GRHL2: variants seen among roughly 807,000 people sequenced by gnomAD.
GRHL2 encodes the protein grainyhead-like protein 2 homolog.
GRHL2 carries 21 observed loss-of-function variants against 83.8 expected under a neutral mutation model. The ratio of observed to expected loss-of-function variants is 0.25; its 90% CI spans 0.18 to 0.36. The LOEUF is 0.36. GRHL2 is among the 10% of genes least tolerant of loss of function. GRHL2 has a pLI of 1.00. For missense variants in GRHL2, 623 were observed against 781.8 expected, an observed-to-expected ratio of 0.80 and a Z score of 2.42; for synonymous variants, 280 against 278.9, an observed-to-expected ratio of 1.00 and a Z score of -0.04.
At chr8:101,600,895 T>G (rs1213182632) in intron 8 of GRHL2, among the ~76,000 whole-genome samples, 6 of 152,160 alleles carry the variant, frequency 3.9e-5, no homozygotes, top group Non-Finnish European at 4.4e-5. Flanking sequence ...TGGTGGCCGA[T>G]GCCTGTAACC....
At chr8:101,656,494 G>C (rs1813788372) in intron 14 of GRHL2, among the ~76,000 whole-genome samples, 1 of 152,186 alleles carries the variant, frequency 6.6e-6, no homozygotes, top group African/African-American at 2.4e-5. Context: ...CCCAATTAGG[G>C]AGACATTTAC....
In GRHL2 at chr8:101,515,091, TATA is replaced by T. The variant is rs1810544214; in HGVS notation, c.20+22303_20+22305del. Among the ~76,000 whole-genome samples the T allele has an allele frequency of 2.0e-5, 3 of 149,850 alleles. No homozygotes were observed. The Admixed American group carries it at 2.0e-4, about 10-fold the overall frequency. On this transcript the variant is annotated intron_variant, in intron 1 of 15. Coordinates refer to ENST00000646743, the MANE Select transcript of GRHL2 (RefSeq NM_024915.4). ...GTTCCTACCTCCCTCCCTCCCTCCT[TATA>T]GGGATCACTGCAATGAGGTCTTGAA...
At chr8:101,641,770 G>A (rs768949439) in intron 12 of GRHL2, among the ~76,000 whole-genome samples, 2 of 152,106 alleles carry the variant, frequency 1.3e-5, no homozygotes, top group African/African-American at 2.4e-5. Flanking sequence ...TTATCCCTCA[G>A]TATCTGTGGA....
At chr8:101,610,003 G>T (rs1351110941) in intron 8 of GRHL2, among the ~76,000 whole-genome samples, 1 of 150,750 alleles carries the variant, frequency 6.6e-6, no homozygotes, top group Non-Finnish European at 1.5e-5. Context: ...TTCTTCTTCT[G>T]CCTGGGAGCT....
intron 1 of GRHL2, among the ~76,000 whole-genome samples, chr8:101,497,371 A>G (rs1488413800): frequency 1.3e-5 from 2 of 152,214 alleles, no homozygotes; most frequent in Admixed American, 6.5e-5. Context: ...CAGTTTCTAT[A>G]AACTATATCC....
At chr8:101,506,718 T>G (rs1456389219) in intron 1 of GRHL2, among the ~76,000 whole-genome samples, 1 of 152,196 alleles carries the variant, frequency 6.6e-6, no homozygotes, top group Non-Finnish European at 1.5e-5. Context: ...GATACATAAT[T>G]TGAAAATGAC....
At chr8:101,526,750 T>A (rs1209286471) in intron 1 of GRHL2, among the ~76,000 whole-genome samples, 4 of 152,184 alleles carry the variant, frequency 2.6e-5, no homozygotes, top group Non-Finnish European at 5.9e-5. Flanking sequence ...CTCAAAGCAC[T>A]GCACGAGTGC....
At chr8:101,674,350 A>G (rs1814258518), downstream of GRHL2, among the ~76,000 whole-genome samples, 1 of 151,048 alleles carries the variant, frequency 6.6e-6, no homozygotes, top group Non-Finnish European at 1.5e-5. Context: ...AATCAAAAAG[A>G]TGTAATAAAA....
downstream of GRHL2, among the ~76,000 whole-genome samples, chr8:101,671,724 C>T (rs28769880): frequency 0.28 from 41,869 of 152,068 alleles, 6,124 homozygotes; most frequent in African/African-American, 0.36. Context: ...GATCTGAGAA[C>T]GGGCAGACTG....
intron 1 of GRHL2, among the ~76,000 whole-genome samples, chr8:101,531,573 CCACA>C (rs963071566): frequency 6.6e-6 from 1 of 151,526 alleles, no homozygotes; most frequent in Non-Finnish European, 1.5e-5. Flanking sequence ...CACACACACA[CCACA>C]CACACACACT....
At chr8:101,530,391 G>A (rs1360939842) in intron 1 of GRHL2, among the ~76,000 whole-genome samples, 1 of 152,186 alleles carries the variant, frequency 6.6e-6, no homozygotes. Flanking sequence ...TTCAACTGCT[G>A]TAATTTCCTC....
In GRHL2 at chr8:101,600,349, T is replaced by C. The variant is rs544537425; in HGVS notation, c.1098+1198T>C. Among the ~76,000 whole-genome samples, 21 of 152,296 alleles carry C rather than the reference T, an allele frequency of 1.4e-4. No individual in the cohort carries two copies. The East Asian group carries it at 4.1e-3, about 29-fold the overall frequency. On this transcript the variant is annotated intron_variant, in intron 8 of 15. Coordinates refer to ENST00000646743, the MANE Select transcript of GRHL2 (RefSeq NM_024915.4). ...TGTGTCTCTAAGGTCCACTCCTCCT[T>C]CATTTAAAGTTTCCTGCCCAAGCCA...
intron 13 of GRHL2, among the ~76,000 whole-genome samples, chr8:101,647,110 C>T (rs1180957389): frequency 2.0e-5 from 3 of 152,174 alleles, no homozygotes; most frequent in African/African-American, 4.8e-5. Flanking sequence ...GGGGACCAGG[C>T]GTGGTGGCTC....
rs980953959 is a variant in GRHL2, at chr8:101,612,997, T to A, written c.1099-6542T>A. On this transcript the variant is annotated intron_variant, in intron 8 of 15. Coordinates refer to ENST00000646743, the MANE Select transcript of GRHL2 (RefSeq NM_024915.4). The stretch of plus-strand genomic sequence containing the variant: ...TGTGCCACTGGTCAGGGGCCAAGGG[T>A]TTGAGAGGAGGAGGAAGAGGAGGTA... Among the ~76,000 whole-genome samples, 56 of 150,218 alleles carry A rather than the reference T, an allele frequency of 3.7e-4. 3 individuals carry two copies. The highest frequency in any genetic ancestry group is 1.4e-3 in the African/African-American group (56 of 40,066).
chr8:101,675,764 C>A, the GRHL2 span, among the ~76,000 whole-genome samples: 4 of 152,166 alleles, frequency 2.6e-5, no homozygotes, highest in East Asian at 7.7e-4. Context: ...CAATCCTAAG[C>A]CGAAAGAACA....
At chr8:101,649,297 G>A (rs150217058) in intron 13 of GRHL2, 117 bp from the exon 14 acceptor site, 117 of 772,184 alleles carry the variant, frequency 1.5e-4, no homozygotes, top group Middle Eastern at 3.5e-4. Context: ...CCAGGGTTCT[G>A]AGGCTTCGCA....
At chr8:101,589,600 C>T (rs566520217) in intron 7 of GRHL2, among the ~76,000 whole-genome samples, 1 of 152,278 alleles carries the variant, frequency 6.6e-6, no homozygotes, top group African/African-American at 2.4e-5. Context: ...AAAGCTGTAA[C>T]ATTGTCTATA....
intron 4 of GRHL2, among the ~76,000 whole-genome samples, chr8:101,564,569 G>A (rs1049839362): frequency 6.6e-6 from 1 of 152,106 alleles, no homozygotes; most frequent in African/African-American, 2.4e-5. Flanking sequence ...ACTTTGGGAG[G>A]CAGAGGCGGG....
At chr8:101,517,040 G>A (rs1190115880) in intron 1 of GRHL2, among the ~76,000 whole-genome samples, 1 of 152,080 alleles carries the variant, frequency 6.6e-6, no homozygotes, top group Non-Finnish European at 1.5e-5. Context: ...TGGGTTTTAG[G>A]TCAGTCCTCT....
Sources: gnomAD v4.1 joint callset for allele counts (sites outside exome capture counted in the v4.1 genomes callset) on GRCh38, gnomAD v4.1.1 for gene constraint, MANE v1.5 for transcripts, NCBI Gene and HGNC (gene_info 2026-07-23, HGNC 2026-07-21) for gene names.